Variants in CCDC40 observed in about 807,000 individuals in gnomAD.
CCDC40 encodes the protein coiled-coil domain-containing protein 40.
Under a neutral mutation model 124.5 loss-of-function variants are expected in CCDC40, and 104 were observed. That is an observed-to-expected ratio of 0.84 (90% CI 0.71 to 0.98). The LOEUF is 0.98. Among genes scored for constraint, CCDC40 ranks in the 50% least tolerant of loss-of-function variants. CCDC40 has a pLI of 0.00. For synonymous variants in CCDC40, 580 were observed against 602.9 expected, an observed-to-expected ratio of 0.96 and a Z score of 0.56; for missense variants, 1,463 against 1,503.9, an observed-to-expected ratio of 0.97 and a Z score of 0.45.
intron 17 of CCDC40, among the ~76,000 whole-genome samples, chr17:80,091,182 T>G (rs72849375): frequency 0.14 from 21,173 of 152,114 alleles, 1,714 homozygotes; most frequent in East Asian, 0.24. Flanking sequence ...ATTTCACAAT[T>G]TATTGATCCA....
At chr17:80,039,639 T>C (rs2037221458) in intron 2 of CCDC40, among the ~76,000 whole-genome samples, 173 bp from the exon 3 acceptor site, 1 of 152,072 alleles carries the variant, frequency 6.6e-6, no homozygotes, top group African/African-American at 2.4e-5. Flanking sequence ...CTCAATCTCC[T>C]GACCTCGTGA....
intron 3 of CCDC40, among the ~76,000 whole-genome samples, chr17:80,046,446 T>G (rs1040934143): frequency 1.3e-5 from 2 of 151,892 alleles, no homozygotes; most frequent in Non-Finnish European, 2.9e-5. Flanking sequence ...GGAGGGAGGA[T>G]CACCGGAGCC....
At chr17:80,036,828 TCTCGCCATTTTG>T in intron 1 of CCDC40, 137 bp downstream of exon 1, 1 of 811,058 alleles carries the variant, frequency 1.2e-6, no homozygotes, top group Non-Finnish European at 1.8e-6. Context: ...GTGTCCCTTC[TCTCGCCATTTTG>T]CTGGCCTTTC....
intron 3 of CCDC40, among the ~76,000 whole-genome samples, chr17:80,040,860 T>C (rs1008404646): frequency 6.6e-6 from 1 of 152,110 alleles, no homozygotes; most frequent in South Asian, 2.1e-4. Flanking sequence ...CATTGTCCAA[T>C]ACGGTCCATC....
chr17:80,089,141 C>A (rs2038648607), intron 16 of CCDC40, among the ~76,000 whole-genome samples: 1 of 152,198 alleles, frequency 6.6e-6, no homozygotes, highest in South Asian at 2.1e-4. Context: ...CTGTTTTTTA[C>A]ACAAATGGGA....
chr17:80,096,784 G>A (rs943932114), intron 18 of CCDC40, among the ~76,000 whole-genome samples: 3 of 152,230 alleles, frequency 2.0e-5, no homozygotes, highest in South Asian at 4.1e-4. Flanking sequence ...TGCCTGCCCG[G>A]CTTTTCTTTC....
At position 80,067,717 on chromosome 17, in the gene CCDC40, T is replaced by G. The variant is rs2289528; in HGVS notation, c.1562+2111T>G. 189 of 1,525,030 alleles carry G rather than the reference T, an allele frequency of 1.2e-4. No individual in the cohort carries two copies. In the East Asian group the frequency reaches 4.6e-3, roughly 37 times the overall value. 94.5% of individuals were successfully genotyped at this position (1,525,030 alleles called of 1,614,324 possible). On this transcript the variant is annotated intron_variant, in intron 10 of 19. Coordinates refer to ENST00000397545, the MANE Select transcript of CCDC40 (RefSeq NM_017950.4). ...GGATGCTATATAGCCTTTTTTATATTGCCTATCAAGCCCGGAATGTCTGGG... is the reference window on the plus strand; with the variant it reads ...GGATGCTATATAGCCTTTTTTATATGGCCTATCAAGCCCGGAATGTCTGGG...
intron 19 of CCDC40, among the ~76,000 whole-genome samples, chr17:80,099,119 A>C (rs1295278675): frequency 1.7e-5 from 1 of 60,364 alleles, no homozygotes; most frequent in African/African-American, 1.2e-4. Context: ...TGTCTCTACT[A>C]AAAAAAAAAA....
chr17:80,090,797 C>T, intron 17 of CCDC40: 1 of 1,255,744 alleles, frequency 8.0e-7, no homozygotes, highest in African/African-American at 1.5e-5. Flanking sequence ...AATAAATGGG[C>T]CTCACTTTCA....
At chr17:80,056,016 A>ATATATTTTTT (rs71163913) in intron 7 of CCDC40, among the ~76,000 whole-genome samples, 3 of 10,248 alleles carry the variant, frequency 2.9e-4, no homozygotes, top group Non-Finnish European at 4.8e-4. Context: ...ATATATATAT[A>ATATATTTTTT]TTTTTTTTTT....
At chr17:80,039,116 C>T (rs557444679) in intron 2 of CCDC40, among the ~76,000 whole-genome samples, 12 of 152,248 alleles carry the variant, frequency 7.9e-5, no homozygotes, top group East Asian at 7.8e-4. Context: ...CCTGTGGTCC[C>T]GGCACTTTGG....
At chr17:80,092,862 T>C (rs2038746525) in intron 17 of CCDC40, among the ~76,000 whole-genome samples, 1 of 152,250 alleles carries the variant, frequency 6.6e-6, no homozygotes, top group African/African-American at 2.4e-5. Flanking sequence ...TCTCTTCTGT[T>C]TTCTTCTAGA....
rs370705321 is a variant in CCDC40 at position 80,039,827 on chromosome 17, A to C, written c.109A>C (p.Lys37Gln). The change falls in exon 3 of 20, where the codon AAG becomes CAG. Residue 37 changes from lysine (K) to glutamine (Q), a missense_variant. Physicochemically the swap from Lys to Gln is moderately conservative, Grantham distance 53. Transcript: ENST00000397545. ...NESHMVSPPE[K>Q]DDGQKGEEAV... ...ACCTTTACAGGTGTCACCACCAGAGAAGGATGATGGCCAGAAAGGTGAAGA... is the reference window on the plus strand; with the variant it reads ...ACCTTTACAGGTGTCACCACCAGAGCAGGATGATGGCCAGAAAGGTGAAGA... 1 of 1,613,642 alleles carries C rather than the reference A, an allele frequency of 6.2e-7. No homozygotes were observed. The highest frequency in any genetic ancestry group is 1.3e-5 in the African/African-American group (1 of 74,852).
In CCDC40 at chr17:80,087,460, C is replaced by T; in HGVS notation, c.2450-147C>T. 1.4e-6 allele frequency: 1 copy of T among 708,548 alleles called. No individual in the cohort carries two copies. Among genetic ancestry groups the T allele is most frequent in the Non-Finnish European group, 2.6e-6 (1 of 386,694 alleles). The allele number at this position is 708,548 out of a possible 1,614,324, so 43.9% of individuals were successfully genotyped here. A position where few individuals can be genotyped will look rare whatever the true frequency, so the allele number is the denominator to read the frequency against. ...TGTCCTGGCAGGGACGAGATTCAGG[C>T]AGGAGCGCCAGGAACGACAAGAGGG... On this transcript the variant is annotated intron_variant, in intron 14 of 19. Coordinates refer to ENST00000397545, the MANE Select transcript of CCDC40 (RefSeq NM_017950.4). The surrounding 1 kb of genome is among the most constrained non-coding windows in gnomAD (Gnocchi z 4.5).
rs779133902 is a variant in CCDC40, at chr17:80,058,995, C to T, written c.1440+15C>T. On this transcript the variant is annotated intron_variant, in intron 9 of 19. Coordinates refer to ENST00000397545, the MANE Select transcript of CCDC40 (RefSeq NM_017950.4). The surrounding 1 kb of genome is among the most constrained non-coding windows in gnomAD (Gnocchi z 4.2). Reference sequence around the variant, plus strand: ...CAGTGAGTGAGGTAAAAGCAGTCCCCGCAGCTCTCAGTGTTCGACCCTCCA... The same window carrying T: ...CAGTGAGTGAGGTAAAAGCAGTCCCTGCAGCTCTCAGTGTTCGACCCTCCA... 4.6e-5 allele frequency: 74 copies of T among 1,614,028 alleles called. No homozygotes were observed. The highest frequency in any genetic ancestry group is 8.8e-5 in the South Asian group (8 of 91,088).
intron 10 of CCDC40, among the ~76,000 whole-genome samples, chr17:80,073,460 C>T (rs1193757466): frequency 6.6e-6 from 1 of 152,132 alleles, no homozygotes; most frequent in East Asian, 1.9e-4. Context: ...GATGAGTGAC[C>T]TTTGATGTTA....
In CCDC40 at chr17:80,058,318, G is replaced by A. The variant is rs980727230; in HGVS notation, c.1160-176G>A. Among the ~76,000 whole-genome samples the A allele has an allele frequency of 3.9e-5, 6 of 152,184 alleles. No homozygotes were observed. The highest frequency in any genetic ancestry group is 7.3e-5 in the Non-Finnish European group (5 of 68,040). On this transcript the variant is annotated intron_variant, in intron 7 of 19. Transcript: ENST00000397545. This position sits in a 1 kb window ranked among gnomAD's most constrained non-coding sequence, Gnocchi z 4.2. ...TCTTCCAAGAGACTGTAAACTCTTTGCTGACAAAGTCTGTGTCTTGATAGT... is the reference window on the plus strand; with the variant it reads ...TCTTCCAAGAGACTGTAAACTCTTTACTGACAAAGTCTGTGTCTTGATAGT...
rs764258494 is a variant in CCDC40, at chr17:80,086,104, C to T, written c.2337C>T (p.Arg779=). 6.2e-6 allele frequency: 10 copies of T among 1,614,030 alleles called. No homozygotes were observed. The highest frequency in any genetic ancestry group is 7.6e-6 in the Non-Finnish European group (9 of 1,180,028). Residue 779 remains arginine, a synonymous_variant, in exon 14 of 20, where the codon CGC becomes CGT. Transcript: ENST00000397545. This position sits in a 1 kb window ranked among gnomAD's most constrained non-coding sequence, Gnocchi z 5.5. ...TCCAGGCCCAGGTGACCTGGCTGCG[C>T]CTGCAGCAGGAGATGGTCAAGGTGA... ...KAVQAQVTWL[R]LQQEMVKVTQ...
chr17:80,067,543 C>G, intron 10 of CCDC40: 1 of 1,510,580 alleles, frequency 6.6e-7, no homozygotes, highest in East Asian at 2.5e-5. Flanking sequence ...AATATAAACA[C>G]CGCTCGTTCC....
Sources: gnomAD v4.1 joint callset for allele counts (sites outside exome capture counted in the v4.1 genomes callset) on GRCh38, gnomAD v4.1.1 for gene constraint, Gnocchi (gnomAD v3.1) non-coding constraint, MANE v1.5 for transcripts, NCBI Gene and HGNC (gene_info 2026-07-23, HGNC 2026-07-21) for gene names.